The following PITPNC1 variants were observed in gnomAD, a reference collection of about 807,000 sequenced individuals.
PITPNC1 encodes cytoplasmic phosphatidylinositol transfer protein 1.
PITPNC1 carries 18 observed loss-of-function variants against 44.7 expected under a neutral mutation model. That is an observed-to-expected ratio of 0.40 (90% CI 0.28 to 0.60). The LOEUF is 0.60. PITPNC1 is among the 20% of genes least tolerant of loss of function. PITPNC1 has a pLI of 0.39. For synonymous variants in PITPNC1, 141 were observed against 149.6 expected, an observed-to-expected ratio of 0.94 and a Z score of 0.42; for missense variants, 290 against 418.4, an observed-to-expected ratio of 0.69 and a Z score of 2.68.
intron 1 of PITPNC1, among the ~76,000 whole-genome samples, chr17:67,411,760 G>A (rs1331131182): frequency 6.6e-6 from 1 of 152,092 alleles, no homozygotes; most frequent in African/African-American, 2.4e-5. Context: ...GAGTAATAAT[G>A]ATTTTCATCC....
chr17:67,421,381 C>G (rs1021366701), intron 1 of PITPNC1, among the ~76,000 whole-genome samples: 1 of 152,102 alleles, frequency 6.6e-6, no homozygotes, highest in Non-Finnish European at 1.5e-5. Context: ...CTCCTGGGTT[C>G]AAGCGATTCT....
rs150650481 is a variant in PITPNC1 at position 67,669,396 on chromosome 17, G to A, written c.463-112G>A. ...CTCCCAAAGTGCTGGGATTACAGGC[G>A]TGAGCCACCACACCCAGCCCTATTT... On this transcript the variant is annotated intron_variant, in intron 6 of 8. Transcript: ENST00000581322. 183 of 779,116 alleles carry A rather than the reference G, an allele frequency of 2.3e-4. 1 individual carries two copies. The highest frequency in any genetic ancestry group is 1.3e-3 in the African/African-American group (74 of 56,640). The allele number at this position is 779,116 out of a possible 1,614,324, so 48.3% of individuals were successfully genotyped here.
intron 1 of PITPNC1, among the ~76,000 whole-genome samples, chr17:67,389,461 ACTC>A (rs1369399375): frequency 6.6e-6 from 1 of 151,894 alleles, no homozygotes; most frequent in South Asian, 2.1e-4. Flanking sequence ...ACTTTATTGA[ACTC>A]CTGCTCTGTG....
At chr17:67,641,754 C>G (rs557115553) in intron 6 of PITPNC1, among the ~76,000 whole-genome samples, 15 of 150,380 alleles carry the variant, frequency 1.0e-4, no homozygotes, top group Admixed American at 2.0e-4. Flanking sequence ...GAGCTGAGAT[C>G]CCGGGCAGCA....
In PITPNC1 at chr17:67,446,704, G is replaced by C. The variant is rs376559486; in HGVS notation, c.48+68502G>C. ...GTCCCCAGCAGAATAAGCCTCTCTGGGTCCATTGAATGGTGGGTTTTTGAA... is the reference window on the plus strand; with the variant it reads ...GTCCCCAGCAGAATAAGCCTCTCTGCGTCCATTGAATGGTGGGTTTTTGAA... On this transcript the variant is annotated intron_variant, in intron 1 of 8. Transcript: ENST00000581322. Among the ~76,000 whole-genome samples, 13 of 151,772 alleles carry C rather than the reference G, an allele frequency of 8.6e-5. No homozygotes were observed. In the South Asian group the frequency reaches 2.5e-3, roughly 29 times the overall value.
chr17:67,565,062 AGTTTTTCAAT>A (rs2040956555), intron 4 of PITPNC1, among the ~76,000 whole-genome samples: 1 of 151,990 alleles, frequency 6.6e-6, no homozygotes, highest in Non-Finnish European at 1.5e-5. Context: ...TGGATATACT[AGTTTTTCAAT>A]GTTTTTCAGT....
intron 6 of PITPNC1, among the ~76,000 whole-genome samples, chr17:67,639,326 T>C (rs2042068251): frequency 6.6e-6 from 1 of 152,198 alleles, no homozygotes; most frequent in African/African-American, 2.4e-5. Context: ...AGCTCCACAC[T>C]AAGCATTGAG....
chr17:67,666,506 A>T (rs2042424471), intron 6 of PITPNC1, among the ~76,000 whole-genome samples: 1 of 152,224 alleles, frequency 6.6e-6, no homozygotes, highest in Admixed American at 6.5e-5. Context: ...CAGAAAAATA[A>T]GTAATAACAT....
intron 1 of PITPNC1, among the ~76,000 whole-genome samples, chr17:67,477,199 C>A (rs574087684): frequency 6.6e-6 from 1 of 151,942 alleles, no homozygotes; most frequent in Non-Finnish European, 1.5e-5. Context: ...CCTCAGCCCC[C>A]CAAGTACCTG....
chr17:67,638,061 G>C (rs957148786), intron 6 of PITPNC1: 3 of 152,208 alleles, frequency 2.0e-5, no homozygotes, highest in Non-Finnish European at 4.4e-5. Flanking sequence ...GGTTGGACTG[G>C]TTATGTGGCT....
At chr17:67,509,067 C>G (rs1462886809) in intron 1 of PITPNC1, among the ~76,000 whole-genome samples, 1 of 151,434 alleles carries the variant, frequency 6.6e-6, no homozygotes, top group Non-Finnish European at 1.5e-5. Flanking sequence ...AACTCCGTCT[C>G]TACTAAAAAT....
At chr17:67,399,047 C>T (rs890717826) in intron 1 of PITPNC1, among the ~76,000 whole-genome samples, 27 of 140,266 alleles carry the variant, frequency 1.9e-4, no homozygotes, top group African/African-American at 6.9e-4. Context: ...CGCAGTCGCG[C>T]TCTGTTTCCC....
At chr17:67,499,409 G>T (rs982310319) in intron 1 of PITPNC1, among the ~76,000 whole-genome samples, 4 of 151,692 alleles carry the variant, frequency 2.6e-5, no homozygotes, top group Non-Finnish European at 5.9e-5. Context: ...AGAGACAGGG[G>T]TCTCACCATG....
intron 5 of PITPNC1, among the ~76,000 whole-genome samples, chr17:67,589,997 G>GA (rs200306467): frequency 0.025 from 3,708 of 151,314 alleles, 60 homozygotes; most frequent in East Asian, 0.049. Context: ...GGAAGAACAG[G>GA]AAAAAAAAGA....
At chr17:67,609,391 G>A (rs1334897061) in intron 5 of PITPNC1, among the ~76,000 whole-genome samples, 1 of 149,178 alleles carries the variant, frequency 6.7e-6, no homozygotes, top group Non-Finnish European at 1.5e-5. Context: ...CCGGGTTCAA[G>A]TGATTCTCCT....
intron 6 of PITPNC1, among the ~76,000 whole-genome samples, chr17:67,653,241 AG>A (rs1216631344): frequency 1.3e-5 from 2 of 152,156 alleles, no homozygotes; most frequent in Non-Finnish European, 2.9e-5. Context: ...ACTGCACTCC[AG>A]CCTGGGTGAC....
intron 7 of PITPNC1, among the ~76,000 whole-genome samples, chr17:67,673,821 G>C (rs1659130197): frequency 6.6e-6 from 1 of 151,140 alleles, no homozygotes; most frequent in Non-Finnish European, 1.5e-5. Flanking sequence ...CATGGTGACA[G>C]GCACCTGTAA....
At chr17:67,579,642 T>TTTTC (rs1491586865) in intron 5 of PITPNC1, among the ~76,000 whole-genome samples, 1 of 119,316 alleles carries the variant, frequency 8.4e-6, no homozygotes, top group African/African-American at 3.7e-5. Flanking sequence ...TTTTTTTTTT[T>TTTTC]CTGATTAGAA....
chr17:67,675,664 G>A, intron 8 of PITPNC1, 122 bp downstream of exon 8: 1 of 714,170 alleles, frequency 1.4e-6, no homozygotes, highest in East Asian at 2.5e-5. Context: ...TGCTTCCTGT[G>A]TTGGAAATAG....
Sources: gnomAD v4.1 joint callset for allele counts (sites outside exome capture counted in the v4.1 genomes callset) on GRCh38, gnomAD v4.1.1 for gene constraint, MANE v1.5 for transcripts, NCBI Gene and HGNC (gene_info 2026-07-23, HGNC 2026-07-21) for gene names.